DOCK5: variants seen among roughly 807,000 people sequenced by gnomAD.
The protein encoded by DOCK5 is dedicator of cytokinesis 5, also known as dedicator of cytokinesis protein 5.
A neutral mutation model predicts 251.8 loss-of-function variants in DOCK5; 142 were observed. The ratio of observed to expected loss-of-function variants is 0.56; its 90% CI spans 0.49 to 0.65. The LOEUF is 0.65. DOCK5 is among the 30% of genes least tolerant of loss of function. The pLI is 0.00. For synonymous variants in DOCK5, 842 were observed against 835.5 expected, an observed-to-expected ratio of 1.01 and a Z score of -0.13; for missense variants, 2,111 against 2,312.3, an observed-to-expected ratio of 0.91 and a Z score of 1.79.
At chr8:25,296,465 A>T (rs1804617002) in intron 6 of DOCK5, 48 bp from the exon 7 acceptor site, 1 of 1,579,450 alleles carries the variant, frequency 6.3e-7, no homozygotes, top group African/African-American at 1.3e-5. Flanking sequence ...CTCAGTAAAA[A>T]GTCTGCCCCT....
At chr8:25,380,514 A>C (rs2117300841) in intron 39 of DOCK5, 120 bp downstream of exon 39, 1 of 823,870 alleles carries the variant, frequency 1.2e-6, no homozygotes, top group Non-Finnish European at 1.9e-6. Flanking sequence ...GGAAAAGTCA[A>C]CTTTGCTTGA....
rs886609028 is a variant in DOCK5, at chr8:25,413,999, G to C, written c.*2701G>C. 1.3e-5 allele frequency: 2 copies of C among 151,944 alleles called. No individual in the cohort carries two copies. Among genetic ancestry groups the C allele is most frequent in the East Asian group, 1.9e-4 (1 of 5,188 alleles). 9.4% of individuals were successfully genotyped at this position (151,944 alleles called of 1,614,324 possible). On this transcript the variant is annotated 3_prime_UTR_variant, in exon 52 of 52. Coordinates refer to ENST00000276440, the MANE Select transcript of DOCK5 (RefSeq NM_024940.8). The stretch of plus-strand genomic sequence containing the variant: ...CAAGGAGGAAAAAAGAGAAAGAATT[G>C]GTCTTTATTTTTCTTGCTAAGAACT...
At position 25,332,747 on chromosome 8, in the gene DOCK5, A is replaced by G. The variant is rs985539388; in HGVS notation, c.2091+55A>G. The G allele has an allele frequency of 7.6e-5, 97 of 1,278,272 alleles. 1 individual carries two copies. In the East Asian group the frequency reaches 1.4e-3, roughly 18 times the overall value. 79.2% of individuals were successfully genotyped at this position (1,278,272 alleles called of 1,614,324 possible). On this transcript the variant is annotated intron_variant, in intron 20 of 51. Coordinates refer to ENST00000276440, the MANE Select transcript of DOCK5 (RefSeq NM_024940.8). Reference sequence around the variant, plus strand: ...TATTGTTGCAACTTTGTAGTTTTCAATATTTCACTATTATAAGTGATTGTG... The same window carrying G: ...TATTGTTGCAACTTTGTAGTTTTCAGTATTTCACTATTATAAGTGATTGTG...
chr8:25,321,080 T>C, intron 16 of DOCK5, 28 bp downstream of exon 16: 1 of 1,602,940 alleles, frequency 6.2e-7, no homozygotes, highest in African/African-American at 1.3e-5. Flanking sequence ...TATGACATAT[T>C]TCCACTTAAA....
chr8:25,324,035 A>G (rs771869232), intron 17 of DOCK5, 84 bp downstream of exon 17: 6 of 1,387,442 alleles, frequency 4.3e-6, no homozygotes, highest in Non-Finnish European at 4.8e-6. Flanking sequence ...TTGTACAAAC[A>G]TCAGAAACCT....
At position 25,309,713 on chromosome 8, in the gene DOCK5, G is replaced by C. The variant is rs138951586; in HGVS notation, c.1193-694G>C. ...GTGCACACCTGTAATCCCAGCTACT[G>C]GGAAGGCTAAGGCATGAGAATTGCT... On this transcript the variant is annotated intron_variant, in intron 12 of 51. Transcript: ENST00000276440. Among the ~76,000 whole-genome samples the C allele has an allele frequency of 5.3e-3, 813 of 152,150 alleles. 15 individuals are homozygous for C. The highest frequency in any genetic ancestry group is 0.019 in the African/African-American group (780 of 41,492).
At chr8:25,309,706 A>G (rs1805039781) in intron 12 of DOCK5, among the ~76,000 whole-genome samples, 2 of 152,148 alleles carry the variant, frequency 1.3e-5, no homozygotes, top group Admixed American at 1.3e-4. Flanking sequence ...CTGTAATCCC[A>G]GCTACTGGGA....
intron 1 of DOCK5, among the ~76,000 whole-genome samples, chr8:25,217,185 G>T (rs1371862016): frequency 1.3e-5 from 2 of 149,338 alleles, no homozygotes; most frequent in African/African-American, 2.5e-5. Flanking sequence ...GGGAGAGAGA[G>T]AGATATATAT....
Position 25,412,598 on chromosome 8 carries a change from C to T in DOCK5, c.*1300C>T, listed in dbSNP as rs2117356227. On this transcript the variant is annotated 3_prime_UTR_variant, in exon 52 of 52. Transcript: ENST00000276440. ...TGGTTGGAACAATATTTGAAATGTC[C>T]CAGATATTTCTATGCTACTTAGATA... 1 of 152,200 alleles carries T rather than the reference C, an allele frequency of 6.6e-6. No homozygotes were observed. Among genetic ancestry groups the T allele is most frequent in the South Asian group, 2.1e-4 (1 of 4,810 alleles). 9.4% of individuals were successfully genotyped at this position (152,200 alleles called of 1,614,324 possible). A position where few individuals can be genotyped will look rare whatever the true frequency, so the allele number is the denominator to read the frequency against.
rs1554517420 is a variant in DOCK5, at chr8:25,210,033, T to TAA, written c.43+25084_43+25085dup. Among the ~76,000 whole-genome samples, 14 of 22,870 alleles carry TAA rather than the reference T, an allele frequency of 6.1e-4. 4 individuals carry two copies. The highest frequency in any genetic ancestry group is 1.1e-3 in the African/African-American group (13 of 11,424). 15.0% of individuals were successfully genotyped at this position (22,870 alleles called of 152,430 possible). On this transcript the variant is annotated intron_variant, in intron 1 of 51. Transcript: ENST00000276440. ...TTATATATATATATATATATATATA[T>TAA]AAATGTGTGTGTGTGTGTGTGTGTG...
rs566752807 is a variant in DOCK5, at chr8:25,406,233, C to T, written c.5094-1750C>T. On this transcript the variant is annotated intron_variant, in intron 48 of 51. Coordinates refer to ENST00000276440, the MANE Select transcript of DOCK5 (RefSeq NM_024940.8). ...TCAGCTTCCCAAAGTGCTGGGATTA[C>T]AGGCGTGAGCCACCACACCTGGCCC... Among the ~76,000 whole-genome samples the T allele has an allele frequency of 2.0e-5, 3 of 152,324 alleles. No individual in the cohort carries two copies. In the South Asian group the frequency reaches 6.2e-4, roughly 32 times the overall value.
intron 27 of DOCK5, among the ~76,000 whole-genome samples, chr8:25,353,179 T>A (rs1800501206): frequency 6.6e-6 from 1 of 151,950 alleles, no homozygotes; most frequent in Non-Finnish European, 1.5e-5. Context: ...TCTACAAAAA[T>A]TTTTTAAAAA....
chr8:25,380,239 G>A, intron 38 of DOCK5, 66 bp from the exon 39 acceptor site: 1 of 1,460,692 alleles, frequency 6.8e-7, no homozygotes, highest in Non-Finnish European at 9.4e-7. Flanking sequence ...CTCGCCAGTG[G>A]CTTTTGCCAC....
intron 2 of DOCK5, among the ~76,000 whole-genome samples, chr8:25,254,158 T>C (rs1044964582): frequency 6.6e-6 from 1 of 152,146 alleles, no homozygotes; most frequent in Non-Finnish European, 1.5e-5. Flanking sequence ...TTTTAACAAA[T>C]CGTGCTGGAA....
intron 29 of DOCK5, 104 bp from the exon 30 acceptor site, chr8:25,364,522 T>C: frequency 3.8e-6 from 3 of 779,556 alleles, no homozygotes; most frequent in Admixed American, 2.3e-5. Flanking sequence ...TGAGGTCTTA[T>C]GATGCCAAGT....
In DOCK5 at chr8:25,196,377, C is replaced by A. The variant is rs1271671003; in HGVS notation, c.43+11426C>A. On this transcript the variant is annotated intron_variant, in intron 1 of 51. Coordinates refer to ENST00000276440, the MANE Select transcript of DOCK5 (RefSeq NM_024940.8). Reference sequence around the variant, plus strand: ...ATGGAAGAAACAAGACATTTAGATTCATCTGTTATTTCCCATTTCTAATAC... The same window carrying A: ...ATGGAAGAAACAAGACATTTAGATTAATCTGTTATTTCCCATTTCTAATAC... 4.6e-5 allele frequency among the ~76,000 whole-genome samples: 7 copies of A among 152,286 alleles called. No homozygotes were observed. The South Asian group carries it at 6.2e-4, about 14-fold the overall frequency.
intron 26 of DOCK5, among the ~76,000 whole-genome samples, chr8:25,350,910 GAC>G (rs947596828): frequency 1.3e-5 from 2 of 152,144 alleles, no homozygotes; most frequent in Admixed American, 6.5e-5. Context: ...ATCTGGAGGA[GAC>G]ACAAACATTT....
intron 40 of DOCK5, among the ~76,000 whole-genome samples, chr8:25,384,455 A>ATTTTTTTTTTTTTTTTT (rs1294643896): frequency 4.4e-5 from 2 of 45,210 alleles, no homozygotes; most frequent in Non-Finnish European, 4.5e-5. Context: ...TTATTTATTT[A>ATTTTTTTTTTTTTTTTT]TTTATTTATT....
chr8:25,352,510 G>A (rs1800489696), intron 27 of DOCK5, among the ~76,000 whole-genome samples: 1 of 152,100 alleles, frequency 6.6e-6, no homozygotes, highest in Non-Finnish European at 1.5e-5. Context: ...CTGTTGAAAG[G>A]CTAAGTGGTG....
Sources: gnomAD v4.1 joint callset for allele counts (sites outside exome capture counted in the v4.1 genomes callset) on GRCh38, gnomAD v4.1.1 for gene constraint, MANE v1.5 for transcripts, NCBI Gene and HGNC (gene_info 2026-07-23, HGNC 2026-07-21) for gene names.